NMT2: variants seen among roughly 807,000 people sequenced by gnomAD.
NMT2 encodes the protein glycylpeptide N-tetradecanoyltransferase 2.
Under a neutral mutation model 65.4 loss-of-function variants are expected in NMT2, and 35 were observed. The observed-to-expected ratio is 0.54, with a 90% CI of 0.41 to 0.71. The LOEUF (loss-of-function observed/expected upper bound fraction) is 0.71. Ranked by LOEUF, NMT2 falls within the 30% of genes least tolerant of loss-of-function variation. The pLI, the probability that NMT2 is intolerant of heterozygous loss-of-function variation, is 0.00. For synonymous variants in NMT2, 226 were observed against 231.8 expected (o/e 0.98, Z 0.23); for missense variants, 489 against 611.3 (o/e 0.80, Z 2.11).
In NMT2 at chr10:15,132,886, C is replaced by G. The variant is rs746938697; in HGVS notation, c.650G>C (p.Arg217Thr). 3.7e-6 allele frequency: 6 copies of G among 1,614,028 alleles called. No homozygotes were observed. The South Asian group carries it at 6.6e-5, about 18-fold the overall frequency. Residue 217 changes from arginine to threonine, a missense_variant, in exon 6 of 12, where the codon AGA becomes ACA. Coordinates refer to ENST00000378165, the MANE Select transcript of NMT2 (RefSeq NM_004808.3). Reference sequence around the variant, plus strand: ...GACCAGTTTTTTATTTGAAGACACTCTGACCCCACAGTGCCACTGCAGGAG... The same window carrying G: ...GACCAGTTTTTTATTTGAAGACACTGTGACCCCACAGTGCCACTGCAGGAG... ...GWLLQWHCGVRVSSNKKLVGF... is the reference protein window; with the variant it reads ...GWLLQWHCGVTVSSNKKLVGF...
Position 15,107,325 on chromosome 10 carries a change from C to T in NMT2, c.*1870G>A. The stretch of plus-strand genomic sequence containing the variant: ...TAGCCCACAGGCCATAGTTTGGTGG[C>T]CCCTGCCTGGGATAAGATATGATTG... On this transcript the variant is annotated 3_prime_UTR_variant, in exon 12 of 12. Transcript: ENST00000378165. 1.0e-6 allele frequency: 1 copy of T among 984,652 alleles called. No homozygotes were observed. The highest frequency in any genetic ancestry group is 1.1e-4 in the East Asian group (1 of 8,806). 61.0% of individuals were successfully genotyped at this position (984,652 alleles called of 1,614,324 possible). A position where few individuals can be genotyped will look rare whatever the true frequency, so the allele number is the denominator to read the frequency against.
chr10:15,155,254 C>A (rs780494396), intron 1 of NMT2: 5 of 1,480,980 alleles, frequency 3.4e-6, no homozygotes. Flanking sequence ...GCAAACAGTT[C>A]GAAGGAGACG....
intron 1 of NMT2, among the ~76,000 whole-genome samples, chr10:15,158,256 C>T (rs1833067718): frequency 6.6e-6 from 1 of 150,618 alleles, no homozygotes; most frequent in Non-Finnish European, 1.5e-5. Flanking sequence ...GTGGAGGTTG[C>T]AGTGAGCCAA....
intron 1 of NMT2, among the ~76,000 whole-genome samples, chr10:15,157,112 A>G (rs572130814): frequency 1.3e-5 from 2 of 152,310 alleles, no homozygotes; most frequent in Admixed American, 6.5e-5. Context: ...TGAATCCCCA[A>G]CCTTCTCTGG....
intron 8 of NMT2, among the ~76,000 whole-genome samples, chr10:15,120,820 G>A (rs890580487): frequency 9.2e-5 from 14 of 152,162 alleles, no homozygotes; most frequent in Non-Finnish European, 1.8e-4. Flanking sequence ...GCCTGAAAGT[G>A]TCCATCTTGT....
chr10:15,153,197 G>C (rs763259186), intron 1 of NMT2, among the ~76,000 whole-genome samples: 1 of 152,166 alleles, frequency 6.6e-6, no homozygotes. Context: ...AACTCCAGAG[G>C]ATCACTTGAA....
rs868327224 is a variant in NMT2 at position 15,162,650 on chromosome 10, C to G, written c.110+5853G>C. Among the ~76,000 whole-genome samples, 8 of 151,786 alleles carry G rather than the reference C, an allele frequency of 5.3e-5. No homozygotes were observed. The South Asian group carries it at 1.0e-3, about 20-fold the overall frequency. Reference sequence around the variant, plus strand: ...ATCCCAGCGATGTTAAACACACACACATATTAAAAAGTGAGTTCATTAAAC... The same window carrying G: ...ATCCCAGCGATGTTAAACACACACAGATATTAAAAAGTGAGTTCATTAAAC... On this transcript the variant is annotated intron_variant, in intron 1 of 11. Coordinates refer to ENST00000378165, the MANE Select transcript of NMT2 (RefSeq NM_004808.3).
chr10:15,117,559 A>AATG (rs1374851072), intron 9 of NMT2, among the ~76,000 whole-genome samples: 2 of 152,218 alleles, frequency 1.3e-5, no homozygotes, highest in Non-Finnish European at 2.9e-5. Flanking sequence ...TTAATGCAAG[A>AATG]CCAATAAATA....
At chr10:15,146,830 C>T (rs190420059) in intron 1 of NMT2, among the ~76,000 whole-genome samples, 31 of 152,166 alleles carry the variant, frequency 2.0e-4, no homozygotes, top group African/African-American at 7.0e-4. Flanking sequence ...CAGCGGCTCA[C>T]GCCTGTAATC....
intron 1 of NMT2, among the ~76,000 whole-genome samples, chr10:15,151,058 C>CTTTTTT (rs1832784098): frequency 6.9e-6 from 1 of 143,952 alleles, no homozygotes; most frequent in African/African-American, 2.8e-5. Context: ...TTAGCTTCCT[C>CTTTTTT]CTTTTTTTTT....
At chr10:15,160,987 T>C (rs1833168951) in intron 1 of NMT2, among the ~76,000 whole-genome samples, 1 of 144,032 alleles carries the variant, frequency 6.9e-6, no homozygotes, top group South Asian at 2.2e-4. Context: ...CCCAGCACTT[T>C]GGGGAACCGA....
chr10:15,130,938 C>A (rs779159641), intron 6 of NMT2, among the ~76,000 whole-genome samples: 1 of 151,704 alleles, frequency 6.6e-6, no homozygotes, highest in South Asian at 2.1e-4. Flanking sequence ...TACAGGTGCA[C>A]GCCACCATGC....
At chr10:15,162,459 A>G (rs1474599961) in intron 1 of NMT2, among the ~76,000 whole-genome samples, 1 of 152,130 alleles carries the variant, frequency 6.6e-6, no homozygotes, top group African/African-American at 2.4e-5. Flanking sequence ...ATTTAAATTA[A>G]TTCAAATAAA....
chr10:15,117,697 T>C (rs1845789947), intron 9 of NMT2, among the ~76,000 whole-genome samples: 1 of 149,562 alleles, frequency 6.7e-6, no homozygotes, highest in African/African-American at 2.5e-5. Context: ...AGCACTGTGG[T>C]AGGATACAAA....
chr10:15,159,422 A>G (rs967640892), intron 1 of NMT2, among the ~76,000 whole-genome samples: 15 of 151,694 alleles, frequency 9.9e-5, no homozygotes, highest in African/African-American at 3.4e-4. Flanking sequence ...TTATTTATTT[A>G]TTTATTGAGA....
chr10:15,149,735 T>C (rs1336275603), intron 1 of NMT2, among the ~76,000 whole-genome samples: 1 of 152,142 alleles, frequency 6.6e-6, no homozygotes, highest in African/African-American at 2.4e-5. Context: ...ATTATTATTA[T>C]TCCCGTTTTA....
intron 2 of NMT2, among the ~76,000 whole-genome samples, chr10:15,136,464 G>C (rs1044490981): frequency 6.7e-6 from 1 of 149,654 alleles, no homozygotes; most frequent in African/African-American, 2.5e-5. Context: ...GGGAGGGAGA[G>C]AGGGAGGAAA....
Position 15,112,874 on chromosome 10 carries a change from G to C in NMT2, c.1260C>G (p.Ala420=). The stretch of plus-strand genomic sequence containing the variant: ...TGTGGATGTTGTAGAATGAGTAGGC[G>C]GCTTTGAGGCTCTTGTGAGCAGGGT... The part of the protein sequence containing the change: ...MHHPAHKSLK[A]AYSFYNIHTE... The change falls in exon 10 of 12, where the codon GCC becomes GCG. Residue 420 remains alanine, a synonymous_variant. Coordinates refer to ENST00000378165, the MANE Select transcript of NMT2 (RefSeq NM_004808.3). The C allele has an allele frequency of 6.2e-7, 1 of 1,614,082 alleles. No individual in the cohort carries two copies. The highest frequency in any genetic ancestry group is 8.5e-7 in the Non-Finnish European group (1 of 1,180,012).
At chr10:15,111,074 G>A (rs937722638) in intron 10 of NMT2, among the ~76,000 whole-genome samples, 1 of 152,048 alleles carries the variant, frequency 6.6e-6, no homozygotes, top group African/African-American at 2.4e-5. Context: ...TTACAGGCAT[G>A]AGCCACTGCA....
Sources: gnomAD v4.1 joint callset for allele counts (sites outside exome capture counted in the v4.1 genomes callset) on GRCh38, gnomAD v4.1.1 for gene constraint, MANE v1.5 for transcripts, NCBI Gene and HGNC (gene_info 2026-07-23, HGNC 2026-07-21) for gene names.